The following SEC23IP variants were observed in gnomAD, a reference collection of about 807,000 sequenced individuals.
The protein encoded by SEC23IP is SEC23 interacting protein, also known as SEC23-interacting protein.
Under a neutral mutation model 113.4 loss-of-function variants are expected in SEC23IP, and 70 were observed. The ratio of observed to expected loss-of-function variants is 0.62; its 90% CI spans 0.51 to 0.75. SEC23IP has a LOEUF of 0.75. Ranked by LOEUF, SEC23IP falls within the 30% of genes least tolerant of loss-of-function variation. SEC23IP has a pLI of 0.00. For missense variants in SEC23IP, 1,160 were observed against 1,204.9 expected (o/e 0.96, Z 0.55); for synonymous variants, 398 against 421.0 (o/e 0.95, Z 0.67).
intron 4 of SEC23IP, among the ~76,000 whole-genome samples, chr10:119,905,513 C>A (rs1451795603): frequency 2.6e-5 from 4 of 152,138 alleles, no homozygotes; most frequent in African/African-American, 7.2e-5. Context: ...TTTTGTTCGG[C>A]TTCTTCCAGG....
chr10:119,923,660 T>C (rs965347175), intron 12 of SEC23IP, among the ~76,000 whole-genome samples: 3 of 150,864 alleles, frequency 2.0e-5, no homozygotes, highest in African/African-American at 7.3e-5. Context: ...GCCATTCTCC[T>C]GCTTCAGCCT....
intron 18 of SEC23IP, among the ~76,000 whole-genome samples, chr10:119,934,954 T>C (rs1855724655): frequency 6.6e-6 from 1 of 152,138 alleles, no homozygotes; most frequent in African/African-American, 2.4e-5. Flanking sequence ...CTGGCCAACA[T>C]AGTGAAACCC....
At chr10:119,900,297 GTA>G (rs60279621) in intron 2 of SEC23IP, among the ~76,000 whole-genome samples, 7,514 of 149,070 alleles carry the variant, frequency 0.05, 304 homozygotes, top group South Asian at 0.18. Flanking sequence ...GTGTGTGTGT[GTA>G]TATATATATA....
At position 119,902,860 on chromosome 10, in the gene SEC23IP, C is replaced by G. The variant is rs200526391; in HGVS notation, c.758C>G (p.Ser253Cys). Residue 253 changes from serine (S) to cysteine (C), a missense_variant, in exon 3 of 19, where the codon TCT becomes TGT. Physicochemically the swap from Ser to Cys is moderately radical, Grantham distance 112. Transcript: ENST00000369075. ...QQVPARPGAP[S>C]VQVPSPFLLQ... is the part of the protein sequence containing the mutation. ...GTACCTGCCAGACCTGGGGCTCCCTCTGTTCAAGTGCCATCTCCTTTTCTA... is the reference window on the plus strand; with the variant it reads ...GTACCTGCCAGACCTGGGGCTCCCTGTGTTCAAGTGCCATCTCCTTTTCTA... 2.3e-4 allele frequency: 377 copies of G among 1,614,234 alleles called. 6 individuals are homozygous for G. In the South Asian group the frequency reaches 3.9e-3, roughly 16 times the overall value.
chr10:119,912,135 TTGA>T lies in SEC23IP; in HGVS notation c.1288_1290del (p.Asp430del), dbSNP rs749649510. Reference sequence around the variant, plus strand: ...AGGCCCAGGGTTGTAAAGCGTGGAATTGATGATAACCTTGATGAAATTCCCGAC... The same window carrying T: ...AGGCCCAGGGTTGTAAAGCGTGGAATTGATAACCTTGATGAAATTCCCGAC... On this transcript the variant is annotated inframe_deletion, in exon 6 of 19. Coordinates refer to ENST00000369075, the MANE Select transcript of SEC23IP (RefSeq NM_007190.4). 6.2e-7 allele frequency: 1 copy of T among 1,614,108 alleles called. No individual in the cohort carries two copies. The highest frequency in any genetic ancestry group is 8.5e-7 in the Non-Finnish European group (1 of 1,179,990).
intron 15 of SEC23IP, among the ~76,000 whole-genome samples, chr10:119,931,501 CT>C (rs749429069): frequency 1.3e-5 from 2 of 150,728 alleles, no homozygotes; most frequent in Non-Finnish European, 3.0e-5. Context: ...TGTCTGGCCC[CT>C]ATGTTTAAAC....
At position 119,898,813 on chromosome 10, in the gene SEC23IP, C is replaced by G. The variant is rs145997043; in HGVS notation, c.550C>G (p.Arg184Gly). ...GIPQPGYNPY[R>G]HTPGSSRANP... ...TCCCCAACCAGGATACAATCCATAT[C>G]GCCATACCCCTGGCAGCAGCAGGGC... The change falls in exon 2 of 19, where the codon CGC (arginine) becomes GGC (glycine). Residue 184 changes from arginine (R) to glycine (G), a missense_variant. Coordinates refer to ENST00000369075, the MANE Select transcript of SEC23IP (RefSeq NM_007190.4). 1 of 1,614,012 alleles carries G rather than the reference C, an allele frequency of 6.2e-7. No homozygotes were observed. The highest frequency in any genetic ancestry group is 8.5e-7 in the Non-Finnish European group (1 of 1,180,032).
chr10:119,935,592 G>A (rs900698384), intron 18 of SEC23IP, among the ~76,000 whole-genome samples: 12 of 152,154 alleles, frequency 7.9e-5, no homozygotes, highest in Non-Finnish European at 1.8e-4. Flanking sequence ...CATCCGTCCA[G>A]TATCTGTTGA....
At chr10:119,912,291 C>G (rs1457800329) in intron 6 of SEC23IP, 127 bp downstream of exon 6, 2 of 981,012 alleles carry the variant, frequency 2.0e-6, no homozygotes, top group South Asian at 1.8e-5. Context: ...CACCACCACT[C>G]CCAGCTAATA....
chr10:119,915,532 A>G (rs1160349129), intron 7 of SEC23IP, among the ~76,000 whole-genome samples: 1 of 152,188 alleles, frequency 6.6e-6, no homozygotes, highest in Admixed American at 6.5e-5. Context: ...CCAAGCATCT[A>G]TTCCTTTGCA....
chr10:119,929,306 T>C (rs1855514943), intron 13 of SEC23IP, among the ~76,000 whole-genome samples: 1 of 152,198 alleles, frequency 6.6e-6, no homozygotes, highest in Non-Finnish European at 1.5e-5. Context: ...TGATCTTGGC[T>C]CACTGCAACC....
intron 5 of SEC23IP, among the ~76,000 whole-genome samples, chr10:119,909,650 G>A (rs1017152476): frequency 1.3e-5 from 2 of 152,056 alleles, no homozygotes; most frequent in African/African-American, 2.4e-5. Context: ...TAATCCCAGC[G>A]CTTTGGGAAG....
chr10:119,903,804 A>G (rs1007920002), intron 3 of SEC23IP, among the ~76,000 whole-genome samples: 2 of 152,164 alleles, frequency 1.3e-5, no homozygotes, highest in Non-Finnish European at 2.9e-5. Context: ...ACTCACTGCA[A>G]CCTCTGCTTC....
In SEC23IP at chr10:119,912,163, C is replaced by T. The variant is rs1854886118; in HGVS notation, c.1311C>T (p.Asp437=). The T allele has an allele frequency of 5.0e-6, 8 of 1,613,842 alleles. No homozygotes were observed. Among genetic ancestry groups the T allele is most frequent in the South Asian group, 2.2e-5 (2 of 91,030 alleles). ...GIDDNLDEIP[D]GEMPQVDHLV... is the part of the protein sequence containing the mutation. ...ATGATAACCTTGATGAAATTCCCGACGGTGTGTATAGTTTGTTTAGAACTG... is the reference window on the plus strand; with the variant it reads ...ATGATAACCTTGATGAAATTCCCGATGGTGTGTATAGTTTGTTTAGAACTG... The change falls in exon 6 of 19, where the codon GAC becomes GAT. Residue 437 remains aspartate (D), a splice_region_variant and synonymous_variant. Transcript: ENST00000369075.
chr10:119,914,638 G>A, intron 6 of SEC23IP, 92 bp from the exon 7 acceptor site: 4 of 982,484 alleles, frequency 4.1e-6, no homozygotes, highest in Middle Eastern at 2.1e-4. Flanking sequence ...TGGCAAGTTT[G>A]TGATGACGAA....
chr10:119,933,274 A>G (rs1335021891), intron 17 of SEC23IP, 107 bp downstream of exon 17: 11 of 882,050 alleles, frequency 1.2e-5, no homozygotes, highest in Non-Finnish European at 1.8e-6. Flanking sequence ...TACTATGAAT[A>G]TTCATTTGAA....
At chr10:119,893,849 C>T (rs1341059244) in intron 1 of SEC23IP, among the ~76,000 whole-genome samples, 1 of 152,146 alleles carries the variant, frequency 6.6e-6, no homozygotes, top group African/African-American at 2.4e-5. Flanking sequence ...TCACTTCTTC[C>T]AAGAAGCTGT....
At chr10:119,939,227 G>C (rs1006024623) in intron 18 of SEC23IP, among the ~76,000 whole-genome samples, 2 of 152,082 alleles carry the variant, frequency 1.3e-5, no homozygotes, top group Non-Finnish European at 2.9e-5. Context: ...GCTGAGGTGG[G>C]AGGATTGCTG....
At chr10:119,905,592 A>C (rs1854636233) in intron 4 of SEC23IP, among the ~76,000 whole-genome samples, 1 of 152,224 alleles carries the variant, frequency 6.6e-6, no homozygotes, top group Non-Finnish European at 1.5e-5. Context: ...TAGAAAGGGA[A>C]CAAAATGATA....
Sources: allele counts gnomAD v4.1 joint callset (sites outside exome capture counted in the v4.1 genomes callset), GRCh38; gene constraint gnomAD v4.1.1; transcripts MANE v1.5; gene names NCBI Gene and HGNC (gene_info 2026-07-23, HGNC 2026-07-21).